The following CACTIN variants were observed in gnomAD, a reference collection of about 807,000 sequenced individuals.
CACTIN encodes splicing factor Cactin.
CACTIN carries 20 observed loss-of-function variants against 84.9 expected under a neutral mutation model. The ratio of observed to expected loss-of-function variants is 0.24; its 90% CI spans 0.17 to 0.34. CACTIN has a LOEUF of 0.34. Ranked by LOEUF, CACTIN falls within the 10% of genes least tolerant of loss-of-function variation. CACTIN has a pLI of 1.00. For missense variants in CACTIN, 897 were observed against 1,117.2 expected, an observed-to-expected ratio of 0.80 and a Z score of 2.81; for synonymous variants, 549 against 467.9, an observed-to-expected ratio of 1.17 and a Z score of -2.24.
At chr19:3,622,531 C>T (rs997450365) in intron 2 of CACTIN, among the ~76,000 whole-genome samples, 2 of 152,114 alleles carry the variant, frequency 1.3e-5, no homozygotes, top group Non-Finnish European at 2.9e-5. Context: ...GACGGGAAGG[C>T]AGACCGCCAC....
At chr19:3,614,927 G>A in intron 6 of CACTIN, 1 of 391,624 alleles carries the variant, frequency 2.6e-6, no homozygotes, top group South Asian at 2.3e-5. Context: ...CCCTAGTTGT[G>A]GGCCCGGCCC....
chr19:3,625,548 G>A (rs1187958757), intron 1 of CACTIN, among the ~76,000 whole-genome samples: 5 of 152,272 alleles, frequency 3.3e-5, no homozygotes, highest in South Asian at 2.1e-4. Flanking sequence ...TGGCCAATAT[G>A]GAGAAATCCC....
chr19:3,620,655 TC>T, intron 3 of CACTIN, 51 bp downstream of exon 3: 1 of 1,475,436 alleles, frequency 6.8e-7, no homozygotes, highest in Non-Finnish European at 9.2e-7. Context: ...GGGGCGGGCC[TC>T]CAGGCCCTGG....
At chr19:3,618,527 A>G (rs1477027317) in intron 6 of CACTIN, among the ~76,000 whole-genome samples, 1 of 152,248 alleles carries the variant, frequency 6.6e-6, no homozygotes, top group Non-Finnish European at 1.5e-5. Context: ...CCTTCAGGCC[A>G]GGTGGAGCGA....
chr19:3,625,083 G>A (rs553407558), intron 1 of CACTIN, among the ~76,000 whole-genome samples: 5 of 152,018 alleles, frequency 3.3e-5, no homozygotes, highest in South Asian at 4.2e-4. Flanking sequence ...TGTACAGAGG[G>A]GTCTTGCTAT....
chr19:3,618,867 G>C lies in CACTIN; in HGVS notation c.1162+8C>G. 2 of 1,545,982 alleles carry C rather than the reference G, an allele frequency of 1.3e-6. No individual in the cohort carries two copies. Among genetic ancestry groups the C allele is most frequent in the Non-Finnish European group, 1.7e-6 (2 of 1,143,190 alleles). On this transcript the variant is annotated splice_region_variant and intron_variant, in intron 6 of 9. Coordinates refer to ENST00000429344, the MANE Select transcript of CACTIN (RefSeq NM_001080543.2). ...TCCCCTGGAGCCCAGGCCCATGCCCGCCGTTACCTGGCCCCTTGCCCGAGG... is the reference window on the plus strand; with the variant it reads ...TCCCCTGGAGCCCAGGCCCATGCCCCCCGTTACCTGGCCCCTTGCCCGAGG...
In CACTIN at chr19:3,612,490, G is replaced by T. The variant is rs796664183; in HGVS notation, c.1787-77C>A. ...CCTCCCTCCTAGCCTCTCTGGCAGG[G>T]GCGGCCGCTGGTGCCTCCCGCAAAA... On this transcript the variant is annotated intron_variant, in intron 9 of 9. Transcript: ENST00000429344. The T allele has an allele frequency of 1.6e-5, 23 of 1,470,398 alleles. No homozygotes were observed. In the African/African-American group the frequency reaches 3.2e-4, roughly 21 times the overall value. The allele number at this position is 1,470,398 out of a possible 1,614,324, so 91.1% of individuals were successfully genotyped here.
chr19:3,620,660 G>C (rs769735854), intron 3 of CACTIN, 47 bp downstream of exon 3: 15 of 1,493,342 alleles, frequency 1.0e-5, no homozygotes, highest in South Asian at 2.5e-5. Flanking sequence ...GGGCCTCCAG[G>C]CCCTGGAAAG....
chr19:3,620,461 C>T (rs932349413), intron 3 of CACTIN, 189 bp from the exon 4 acceptor site: 46 of 768,060 alleles, frequency 6.0e-5, no homozygotes, highest in Non-Finnish European at 9.3e-5. Flanking sequence ...CTCAGCAGCT[C>T]AGATCAGCTG....
rs201831187 is a variant in CACTIN at position 3,619,009 on chromosome 19, G to A, written c.1048-20C>T. The stretch of plus-strand genomic sequence containing the variant: ...GTAGACCTGGGGGCAGGGGGCAGGG[G>A]TCAGGACACGGGTGTGGCTGGGGTG... On this transcript the variant is annotated intron_variant, in intron 5 of 9. Transcript: ENST00000429344. 673 of 1,550,456 alleles carry A rather than the reference G, an allele frequency of 4.3e-4. 1 individual carries two copies. Among genetic ancestry groups the A allele is most frequent in the Middle Eastern group, 1.0e-3 (6 of 5,944 alleles).
rs1199432184 is a variant in CACTIN at position 3,626,580 on chromosome 19, C to T, written c.167+16G>A. ...TAGGAGCCGGATCCCCAGCGCTGCT[C>T]CCGCAGCGACCCCACCTGCGCTCCC... On this transcript the variant is annotated intron_variant, in intron 1 of 9. Coordinates refer to ENST00000429344, the MANE Select transcript of CACTIN (RefSeq NM_001080543.2). 2 of 1,429,158 alleles carry T rather than the reference C, an allele frequency of 1.4e-6. No individual in the cohort carries two copies. The highest frequency in any genetic ancestry group is 2.9e-5 in the South Asian group (2 of 68,898). The allele number at this position is 1,429,158 out of a possible 1,614,324, so 88.5% of individuals were successfully genotyped here. A position where few individuals can be genotyped will look rare whatever the true frequency, so the allele number is the denominator to read the frequency against.
At chr19:3,618,178 G>GA (rs1491206867) in intron 6 of CACTIN, among the ~76,000 whole-genome samples, 1 of 8,272 alleles carries the variant, frequency 1.2e-4, no homozygotes, top group Non-Finnish European at 2.7e-4. Flanking sequence ...CTTTTAGACC[G>GA]GGGGGGGGGG....
rs1260903462 is a variant in CACTIN at position 3,611,775 on chromosome 19, G to A, written c.*148C>T. The A allele has an allele frequency of 6.8e-6, 7 of 1,022,882 alleles. No homozygotes were observed. The highest frequency in any genetic ancestry group is 1.0e-5 in the Non-Finnish European group (7 of 679,408). 63.4% of individuals were successfully genotyped at this position (1,022,882 alleles called of 1,614,324 possible). On this transcript the variant is annotated 3_prime_UTR_variant, in exon 10 of 10. Coordinates refer to ENST00000429344, the MANE Select transcript of CACTIN (RefSeq NM_001080543.2). Reference sequence around the variant, plus strand: ...CCCCCCTTTTATATAGGAGGAAACTGAGGCCTGGCGAAAGAAAGATGCGGC... The same window carrying A: ...CCCCCCTTTTATATAGGAGGAAACTAAGGCCTGGCGAAAGAAAGATGCGGC...
Position 3,619,255 on chromosome 19 carries a change from G to C in CACTIN, c.885-13C>G, listed in dbSNP as rs370233931. ...GCGGATCTTGGAACTGTGGGGAGCA[G>C]GGGAAGGTGGCATCAGAGCCTGGGC... On this transcript the variant is annotated splice_polypyrimidine_tract_variant and intron_variant, in intron 4 of 9. Coordinates refer to ENST00000429344, the MANE Select transcript of CACTIN (RefSeq NM_001080543.2). The C allele has an allele frequency of 1.9e-6, 3 of 1,610,704 alleles. No individual in the cohort carries two copies. In the Admixed American group the frequency reaches 5.0e-5, roughly 27 times the overall value.
intron 6 of CACTIN, chr19:3,616,614 CAAAA>C (rs897431197): frequency 4.6e-5 from 7 of 151,644 alleles, no homozygotes; most frequent in Non-Finnish European, 1.0e-4. Context: ...TCTCAAAAAA[CAAAA>C]AAACTTATTC....
In CACTIN at chr19:3,612,636, G is replaced by A. The variant is rs893314855; in HGVS notation, c.1787-223C>T. On this transcript the variant is annotated intron_variant, in intron 9 of 9. Transcript: ENST00000429344. Reference sequence around the variant, plus strand: ...GTCTTCATGTCTATCGTCCTCCTGGGTGGGGACCAAGCGCAGCGCGCTTCC... The same window carrying A: ...GTCTTCATGTCTATCGTCCTCCTGGATGGGGACCAAGCGCAGCGCGCTTCC... The A allele has an allele frequency of 5.5e-6, 4 of 725,594 alleles. No individual in the cohort carries two copies. In the African/African-American group the frequency reaches 7.0e-5, roughly 13 times the overall value. The allele number at this position is 725,594 out of a possible 1,614,324, so 44.9% of individuals were successfully genotyped here. A position where few individuals can be genotyped will look rare whatever the true frequency, so the allele number is the denominator to read the frequency against.
At chr19:3,626,504 G>C in intron 1 of CACTIN, 92 bp downstream of exon 1, 1 of 1,223,508 alleles carries the variant, frequency 8.2e-7, no homozygotes, top group African/African-American at 1.6e-5. Flanking sequence ...AGTAAGTCGG[G>C]GGTTTCCCGG....
At chr19:3,612,447 C>G in intron 9 of CACTIN, 34 bp from the exon 10 acceptor site, 1 of 1,544,204 alleles carries the variant, frequency 6.5e-7, no homozygotes, top group South Asian at 1.2e-5. Flanking sequence ...CGGGCCTCGG[C>G]CTCCCCCTGG....
intron 4 of CACTIN, 115 bp from the exon 5 acceptor site, chr19:3,619,357 G>C: frequency 7.8e-7 from 1 of 1,277,340 alleles, no homozygotes; most frequent in Non-Finnish European, 1.1e-6. Context: ...GACCCGTTGG[G>C]GGTGGTCAGG....
Sources: allele counts gnomAD v4.1 joint callset (sites outside exome capture counted in the v4.1 genomes callset), GRCh38; gene constraint gnomAD v4.1.1; transcripts MANE v1.5; gene names NCBI Gene and HGNC (gene_info 2026-07-23, HGNC 2026-07-21).